PGD: variants seen among roughly 807,000 people sequenced by gnomAD.
The protein encoded by PGD is 6-phosphogluconate dehydrogenase, decarboxylating.
In PGD, 21 loss-of-function variants were observed where a neutral mutation model predicts 60.4. The observed-to-expected ratio is 0.35, with a 90% CI of 0.25 to 0.50. The LOEUF is 0.50. Ranked by LOEUF, PGD falls within the 20% of genes least tolerant of loss-of-function variation. The probability of loss-of-function intolerance (pLI) is 0.98; values close to 1 mark genes in which losing one functional copy is unlikely to be tolerated. For missense variants in PGD, 477 were observed against 613.1 expected (o/e 0.78, Z 2.34); for synonymous variants, 230 against 235.9 (o/e 0.97, Z 0.23).
chr1:10,417,924 C>T (rs1055421634), intron 10 of PGD, among the ~76,000 whole-genome samples: 4 of 152,204 alleles, frequency 2.6e-5, no homozygotes, highest in Admixed American at 6.5e-5. Context: ...GTTAGCCAGG[C>T]TGGTCTCGAA....
At position 10,420,222 on chromosome 1, in the gene PGD, A is replaced by C. The variant is rs148014763; in HGVS notation, c.*473A>C. ...CCATTGGCAGAAAGATTTTTCTTTA[A>C]AAAAAAAGACTAGAATAACACAAGA... On this transcript the variant is annotated 3_prime_UTR_variant, in exon 13 of 13. Coordinates refer to ENST00000270776, the MANE Select transcript of PGD (RefSeq NM_002631.4). 3.6e-4 allele frequency: 57 copies of C among 159,160 alleles called. No homozygotes were observed. The East Asian group carries it at 9.8e-3, about 27-fold the overall frequency. The allele number at this position is 159,160 out of a possible 1,614,324, so 9.9% of individuals were successfully genotyped here. A position where few individuals can be genotyped will look rare whatever the true frequency, so the allele number is the denominator to read the frequency against.
At chr1:10,414,893 C>A (rs966069336) in intron 8 of PGD, among the ~76,000 whole-genome samples, 1 of 151,448 alleles carries the variant, frequency 6.6e-6, no homozygotes, top group Non-Finnish European at 1.5e-5. Flanking sequence ...GAGTTTGAGT[C>A]CAGCCTGACC....
At chr1:10,409,942 C>T (rs553519186) in intron 6 of PGD, among the ~76,000 whole-genome samples, 2 of 152,198 alleles carry the variant, frequency 1.3e-5, no homozygotes, top group African/African-American at 4.8e-5. Context: ...AGGCGTGAGC[C>T]ACCGCACCCA....
intron 5 of PGD, among the ~76,000 whole-genome samples, chr1:10,406,320 T>A (rs1471707565): frequency 6.6e-6 from 1 of 150,992 alleles, no homozygotes; most frequent in South Asian, 2.1e-4. Context: ...GAGACTGAGG[T>A]GAGAGAACTG....
rs138353928 is a variant in PGD at position 10,408,755 on chromosome 1, C to T, written c.519+615C>T. Among the ~76,000 whole-genome samples the T allele has an allele frequency of 3.3e-3, 505 of 152,304 alleles. 1 individual carries two copies. Among genetic ancestry groups the T allele is most frequent in the African/African-American group, 0.011 (466 of 41,568 alleles). On this transcript the variant is annotated intron_variant, in intron 6 of 12. Transcript: ENST00000270776. ...TCCTGAGTAGCTGGGACTGCAGGTG[C>T]ATGCCACCACGCCTAGCTAATATTT...
rs143540325 is a variant in PGD, at chr1:10,413,218, G to A, written c.811G>A (p.Ala271Thr). 2.1e-4 allele frequency: 339 copies of A among 1,614,042 alleles called. 1 individual carries two copies. The highest frequency in any genetic ancestry group is 9.3e-5 in the African/African-American group (7 of 74,926). The change falls in exon 8 of 13, where the codon GCC becomes ACC. Residue 271 changes from alanine (A) to threonine (T), a missense_variant. Physicochemically the swap from Ala to Thr is moderately conservative, Grantham distance 58. Around this residue, in one of 3 missense-constraint regions of PGD, gnomAD observed 431 missense variants for 556.6 expected, o/e 0.77. Transcript: ENST00000270776. ...CACAGGGAAGTGGACCGCCATCTCC[G>A]CCCTGGAATACGGCGTACCCGTCAC... ...KGTGKWTAIS[A>T]LEYGVPVTLI...
intron 7 of PGD, 35 bp from the exon 8 acceptor site, chr1:10,413,027 C>T (rs1639524482): frequency 1.3e-6 from 2 of 1,585,126 alleles, no homozygotes; most frequent in African/African-American, 2.7e-5. Context: ...GCCCTCATTC[C>T]TCTAACATGG....
chr1:10,401,439 C>T (rs536530292), intron 3 of PGD, among the ~76,000 whole-genome samples: 17 of 152,314 alleles, frequency 1.1e-4, no homozygotes, highest in African/African-American at 3.8e-4. Context: ...GCAGTGATAG[C>T]TCAGGGGAGG....
At position 10,411,361 on chromosome 1, in the gene PGD, T is replaced by G. The variant is rs534790494; in HGVS notation, c.520-57T>G. ...TGTTGGCATGAAAGCTGATGTGGACTTCTCTGATGTGTCGCCTGTTTCTCT... is the reference window on the plus strand; with the variant it reads ...TGTTGGCATGAAAGCTGATGTGGACGTCTCTGATGTGTCGCCTGTTTCTCT... On this transcript the variant is annotated intron_variant, in intron 6 of 12. Coordinates refer to ENST00000270776, the MANE Select transcript of PGD (RefSeq NM_002631.4). The G allele has an allele frequency of 1.8e-4, 290 of 1,599,548 alleles. 1 individual carries two copies. The African/African-American group carries it at 3.5e-3, about 19-fold the overall frequency.
chr1:10,413,163 A>G lies in PGD; in HGVS notation c.756A>G (p.Pro252=), dbSNP rs775993994. ...FQDTDGKHLL[P]KIRDSAGQKG... is the part of the protein sequence containing the mutation. ...ACACCGATGGCAAACACCTGCTGCC[A>G]AAGATCAGGGACAGCGCGGGGCAGA... The change falls in exon 8 of 13, where the codon CCA becomes CCG. Residue 252 remains proline (P), a synonymous_variant. Coordinates refer to ENST00000270776, the MANE Select transcript of PGD (RefSeq NM_002631.4). The G allele has an allele frequency of 3.1e-6, 5 of 1,614,200 alleles. No homozygotes were observed. The South Asian group carries it at 5.5e-5, about 18-fold the overall frequency.
At chr1:10,405,874 T>A (rs933183993) in intron 5 of PGD, among the ~76,000 whole-genome samples, 1 of 151,840 alleles carries the variant, frequency 6.6e-6, no homozygotes, top group African/African-American at 2.4e-5. Context: ...TGAGACGGAG[T>A]CTTGCTCTGT....
intron 5 of PGD, among the ~76,000 whole-genome samples, chr1:10,405,379 A>C (rs1159299548): frequency 1.5e-5 from 2 of 137,140 alleles, no homozygotes; most frequent in Admixed American, 1.5e-4. Flanking sequence ...CAAAAACAAA[A>C]CAAAACAAAA....
At chr1:10,412,280 G>A (rs566417608) in intron 7 of PGD, among the ~76,000 whole-genome samples, 17 of 152,216 alleles carry the variant, frequency 1.1e-4, no homozygotes, top group African/African-American at 4.1e-4. Context: ...GTTAAGTATG[G>A]TTTGCTGATG....
chr1:10,409,920 T>C (rs1639471178), intron 6 of PGD, among the ~76,000 whole-genome samples: 1 of 152,016 alleles, frequency 6.6e-6, no homozygotes, highest in African/African-American at 2.4e-5. Flanking sequence ...CCTCCCAAAG[T>C]GTTGGGATTA....
chr1:10,419,707 AG>A lies in PGD; in HGVS notation c.1412del (p.Gly471AlafsTer49). 3 of 1,614,228 alleles carry A rather than the reference AG, an allele frequency of 1.9e-6. No homozygotes were observed. The highest frequency in any genetic ancestry group is 1.7e-6 in the Non-Finnish European group (2 of 1,180,046). ...GGCAGTTTATCCACACCAACTGGAC[AG>A]GCCATGGTGGCACCGTGTCATCCTC... ...PGQFIHTNWT[G>X]HGGTVSSSSY... On this transcript the variant is annotated frameshift_variant, in exon 13 of 13. Coordinates refer to ENST00000270776, the MANE Select transcript of PGD (RefSeq NM_002631.4). LOFTEE classifies it high-confidence loss of function.
At chr1:10,400,017 C>CGTA in intron 2 of PGD, 3 of 468,674 alleles carry the variant, frequency 6.4e-6, no homozygotes, top group Non-Finnish European at 1.2e-5. Flanking sequence ...ACTTGATTGC[C>CGTA]TGATGAGATC....
chr1:10,405,820 A>G (rs1327241553), intron 5 of PGD, among the ~76,000 whole-genome samples: 2 of 148,262 alleles, frequency 1.3e-5, no homozygotes, highest in Non-Finnish European at 3.0e-5. Context: ...TGGGTGACAG[A>G]GCGAGACTCG....
intron 6 of PGD, among the ~76,000 whole-genome samples, chr1:10,409,447 T>C (rs1214635420): frequency 6.6e-6 from 1 of 152,062 alleles, no homozygotes; most frequent in African/African-American, 2.4e-5. Context: ...TCCCTGACAG[T>C]AGATTACTGC....
chr1:10,405,829 CG>C (rs138603464), intron 5 of PGD, among the ~76,000 whole-genome samples: 20,335 of 151,894 alleles, frequency 0.13, 1,476 homozygotes, highest in African/African-American at 0.18. Context: ...GAGCGAGACT[CG>C]GTCTCAGTAA....
Sources: gnomAD v4.1 joint callset for allele counts (sites outside exome capture counted in the v4.1 genomes callset) on GRCh38, gnomAD v4.1.1 for gene constraint, gnomAD v4.1.1 regional missense constraint, MANE v1.5 for transcripts, NCBI Gene and HGNC (gene_info 2026-07-23, HGNC 2026-07-21) for gene names.